HPSE2: variants seen among roughly 807,000 people sequenced by gnomAD.
The protein encoded by HPSE2 is heparanase 2 (inactive).
Under a neutral mutation model 60.5 loss-of-function variants are expected in HPSE2, and 38 were observed. That is an observed-to-expected ratio of 0.63 (90% CI 0.48 to 0.82). The LOEUF (loss-of-function observed/expected upper bound fraction) is 0.82, where lower values mean the gene tolerates loss of function less well. Ranked by LOEUF, HPSE2 falls within the 40% of genes least tolerant of loss-of-function variation. HPSE2 has a pLI of 0.00. For synonymous variants in HPSE2, 295 were observed against 293.2 expected, an observed-to-expected ratio of 1.01 and a Z score of -0.06; for missense variants, 713 against 740.4, an observed-to-expected ratio of 0.96 and a Z score of 0.43.
At chr10:98,739,431 T>A (rs1565125590) in intron 4 of HPSE2, among the ~76,000 whole-genome samples, 1 of 149,908 alleles carries the variant, frequency 6.7e-6, no homozygotes, top group Non-Finnish European at 1.5e-5. Flanking sequence ...ATAACAAGCC[T>A]GCCCATTCTG....
intron 9 of HPSE2, among the ~76,000 whole-genome samples, chr10:98,561,397 A>G (rs184262677): frequency 3.3e-5 from 5 of 152,312 alleles, no homozygotes; most frequent in Non-Finnish European, 7.3e-5. Flanking sequence ...ATTAAAAAGT[A>G]AAAAACAGAA....
intron 5 of HPSE2, among the ~76,000 whole-genome samples, chr10:98,713,070 G>C (rs755023003): frequency 6.6e-6 from 1 of 152,034 alleles, no homozygotes; most frequent in Admixed American, 6.6e-5. Context: ...TGATGGATGA[G>C]AAGAAACCAG....
At chr10:99,256,395 A>AGAGC in the HPSE2 span, among the ~76,000 whole-genome samples, 1 of 1,588 alleles carries the variant, frequency 6.3e-4, no homozygotes, top group African/African-American at 2.0e-3. Flanking sequence ...CCCCTACAAG[A>AGAGC]TGACTCACCA....
chr10:99,147,907 A>C (rs1384927841), intron 2 of HPSE2, among the ~76,000 whole-genome samples: 23 of 152,300 alleles, frequency 1.5e-4, no homozygotes, highest in Non-Finnish European at 2.9e-5. Context: ...CCAAAAATGG[A>C]AGGTAAAGAC....
chr10:98,603,784 A>T (rs941117550), intron 9 of HPSE2, among the ~76,000 whole-genome samples: 2 of 151,788 alleles, frequency 1.3e-5, no homozygotes, highest in African/African-American at 4.8e-5. Context: ...GCCTAATAAT[A>T]CCCTGTTGGG....
At chr10:98,544,420 A>G (rs923327090) in intron 9 of HPSE2, among the ~76,000 whole-genome samples, 4 of 152,174 alleles carry the variant, frequency 2.6e-5, no homozygotes, top group African/African-American at 9.6e-5. Context: ...AATTAAAAGA[A>G]CTAGAGAAGG....
chr10:98,541,472 C>G (rs1189076769), intron 9 of HPSE2, among the ~76,000 whole-genome samples: 1 of 152,166 alleles, frequency 6.6e-6, no homozygotes, highest in African/African-American at 2.4e-5. Context: ...GGGCACAGGA[C>G]AGTGGGTGCA....
intron 3 of HPSE2, among the ~76,000 whole-genome samples, chr10:98,997,194 C>A (rs1027650705): frequency 2.0e-5 from 3 of 146,848 alleles, no homozygotes; most frequent in African/African-American, 7.4e-5. Flanking sequence ...CTCACTGCAA[C>A]CTCCGCCTCC....
chr10:98,473,596 C>T (rs1347494206), intron 11 of HPSE2, among the ~76,000 whole-genome samples: 2 of 150,312 alleles, frequency 1.3e-5, no homozygotes, highest in African/African-American at 4.9e-5. Flanking sequence ...AATTCTAAAA[C>T]TCAGTGGATT....
At chr10:99,278,855 G>A in the HPSE2 span, among the ~76,000 whole-genome samples, 5 of 152,180 alleles carry the variant, frequency 3.3e-5, no homozygotes, top group Non-Finnish European at 7.3e-5. Flanking sequence ...GTAAATGAAA[G>A]GTTCAGGTCA....
intron 6 of HPSE2, among the ~76,000 whole-genome samples, chr10:98,679,563 T>A (rs559404824): frequency 5.3e-5 from 8 of 152,298 alleles, no homozygotes; most frequent in East Asian, 3.9e-4. Flanking sequence ...GTGTTTTTTT[T>A]AAAATAAGCT....
intron 3 of HPSE2, among the ~76,000 whole-genome samples, chr10:98,843,701 C>A (rs958515641): frequency 6.6e-6 from 1 of 152,150 alleles, no homozygotes; most frequent in African/African-American, 2.4e-5. Context: ...CAGCATTTTA[C>A]AACAAATCTA....
chr10:98,676,630 T>C (rs1041259185), intron 6 of HPSE2, among the ~76,000 whole-genome samples: 4 of 152,082 alleles, frequency 2.6e-5, no homozygotes, highest in Non-Finnish European at 5.9e-5. Context: ...ACTGAGATAT[T>C]TGGCAGGGAG....
At chr10:98,708,595 A>G (rs1054757859) in intron 5 of HPSE2, among the ~76,000 whole-genome samples, 3 of 152,330 alleles carry the variant, frequency 2.0e-5, no homozygotes, top group African/African-American at 7.2e-5. Flanking sequence ...GTATGTGCTC[A>G]TGTAAAAATT....
chr10:98,460,557 G>A (rs1261958976), intron 11 of HPSE2, among the ~76,000 whole-genome samples: 4 of 152,070 alleles, frequency 2.6e-5, no homozygotes, highest in Non-Finnish European at 4.4e-5. Flanking sequence ...AGGCTGCAGT[G>A]AGCCAAGATT....
intron 9 of HPSE2, among the ~76,000 whole-genome samples, chr10:98,522,413 C>CG (rs1942826646): frequency 1.3e-5 from 2 of 151,958 alleles, no homozygotes; most frequent in East Asian, 3.9e-4. Context: ...AGGCAGTTCC[C>CG]GGGGGGCGGG....
chr10:98,532,414 G>A lies in HPSE2; in HGVS notation c.1321-42218C>T, dbSNP rs533375070. Reference sequence around the variant, plus strand: ...GGGTTGAATTCTGCCTCTGCTTCGTGATCTTGGGCCCATACCTTAAGCACC... The same window carrying A: ...GGGTTGAATTCTGCCTCTGCTTCGTAATCTTGGGCCCATACCTTAAGCACC... On this transcript the variant is annotated intron_variant, in intron 9 of 11. Transcript: ENST00000370552. Among the ~76,000 whole-genome samples the A allele has an allele frequency of 4.6e-5, 7 of 152,264 alleles. No homozygotes were observed. In the East Asian group the frequency reaches 1.4e-3, roughly 29 times the overall value.
At chr10:99,305,682 T>C in the HPSE2 span, among the ~76,000 whole-genome samples, 1 of 152,042 alleles carries the variant, frequency 6.6e-6, no homozygotes, top group East Asian at 1.9e-4. Context: ...CCATAGGTCA[T>C]ACAGATATTG....
chr10:98,593,328 A>G (rs1945141580), intron 9 of HPSE2, among the ~76,000 whole-genome samples: 2 of 152,208 alleles, frequency 1.3e-5, no homozygotes, highest in African/African-American at 4.8e-5. Flanking sequence ...AAGACATGCA[A>G]TCTGGGACTG....
Sources: allele counts gnomAD v4.1 joint callset (sites outside exome capture counted in the v4.1 genomes callset), GRCh38; gene constraint gnomAD v4.1.1; transcripts MANE v1.5; gene names NCBI Gene and HGNC (gene_info 2026-07-23, HGNC 2026-07-21).